The following CD163 variants were observed in gnomAD, a reference collection of about 807,000 sequenced individuals.
CD163 encodes the protein CD163 molecule, also known as scavenger receptor cysteine-rich type 1 protein M130.
CD163 carries 64 observed loss-of-function variants against 129.2 expected under a neutral mutation model. The ratio of observed to expected loss-of-function variants is 0.50; its 90% confidence interval spans 0.41 to 0.61. CD163 has a LOEUF of 0.61. CD163 is among the 20% of genes least tolerant of loss of function. The pLI, the probability that CD163 is intolerant of heterozygous loss-of-function variation, is 0.00. For missense variants in CD163, 1,061 were observed against 1,377.9 expected (o/e 0.77, Z 3.64); for synonymous variants, 446 against 478.5 (o/e 0.93, Z 0.89).
chr12:7,477,606 G>A (rs1379294646), intron 16 of CD163, among the ~76,000 whole-genome samples: 1 of 152,074 alleles, frequency 6.6e-6, no homozygotes, highest in Non-Finnish European at 1.5e-5. Flanking sequence ...CAAGGGGAAG[G>A]AGAGCATTAA....
At chr12:7,501,744 A>G (rs1592014497) in intron 2 of CD163, among the ~76,000 whole-genome samples, 1 of 152,200 alleles carries the variant, frequency 6.6e-6, no homozygotes, top group East Asian at 1.9e-4. Flanking sequence ...GGCAATTTAT[A>G]TAATTCCTGT....
At chr12:7,481,056 C>T (rs892001739) in intron 15 of CD163, 105 bp downstream of exon 15, 2 of 1,484,884 alleles carry the variant, frequency 1.3e-6, no homozygotes, top group East Asian at 2.3e-5. Context: ...CTTCCTATTA[C>T]ATTTTTAGAC....
chr12:7,479,209 A>G (rs1949127839), intron 16 of CD163, among the ~76,000 whole-genome samples: 1 of 152,116 alleles, frequency 6.6e-6, no homozygotes, highest in Non-Finnish European at 1.5e-5. Flanking sequence ...ATTACCACCT[A>G]TAGACTATGA....
At position 7,496,989 on chromosome 12, in the gene CD163, C is replaced by T. The variant is rs1949411226; in HGVS notation, c.923G>A (p.Gly308Glu). 6.2e-7 allele frequency: 1 copy of T among 1,614,018 alleles called. No homozygotes were observed. Among genetic ancestry groups the T allele is most frequent in the South Asian group, 1.1e-5 (1 of 91,076 alleles). The change falls in exon 5 of 17, where the codon GGA becomes GAA. Residue 308 changes from glycine to glutamate, a missense_variant. Physicochemically the swap from Gly to Glu is moderately conservative, Grantham distance 98. Coordinates refer to ENST00000432237, the MANE Select transcript of CD163 (RefSeq NM_203416.4). This position sits in a 1 kb window ranked among gnomAD's most constrained non-coding sequence, Gnocchi z 4.8. The part of the protein sequence containing the change: ...YDAAVACKQL[G>E]CPTAVTAIGR... ...AATGGCTGTGACGGCAGTTGGACAT[C>T]CCAGTTGCTTGCATGCCACAGCAGC...
intron 16 of CD163, among the ~76,000 whole-genome samples, chr12:7,475,852 G>A (rs1400103485): frequency 2.0e-5 from 3 of 151,972 alleles, no homozygotes; most frequent in Admixed American, 6.6e-5. Context: ...TGTCTCAGCC[G>A]AAAAACTCCT....
At position 7,487,494 on chromosome 12, in the gene CD163, C is replaced by A. The variant is rs1162001846; in HGVS notation, c.1915G>T (p.Gly639Ter). 2 of 1,613,996 alleles carry A rather than the reference C, an allele frequency of 1.2e-6. No homozygotes were observed. Among genetic ancestry groups the A allele is most frequent in the Non-Finnish European group, 1.7e-6 (2 of 1,180,040 alleles). ...CTCCAGATCTGACCATTTCCTTTTC[C>A]AAAACGTGCTCCTCCTGGGGTAGAA... ...ALSTPGGARFGKGNGQIWRHM... is the reference protein window; with the variant it reads ...ALSTPGGARF The change falls in exon 8 of 17, where the codon GGA becomes TGA. Residue 639 changes from glycine (G) to a stop codon, truncating the protein, a stop_gained. Coordinates refer to ENST00000432237, the MANE Select transcript of CD163 (RefSeq NM_203416.4). LOFTEE classifies it high-confidence loss of function. The surrounding 1 kb of genome is among the most constrained non-coding windows in gnomAD (Gnocchi z 5.1).
rs896104593 is a variant in CD163, at chr12:7,487,734, C to A, written c.1735+39G>T. On this transcript the variant is annotated intron_variant, in intron 7 of 16. Coordinates refer to ENST00000432237, the MANE Select transcript of CD163 (RefSeq NM_203416.4). The surrounding 1 kb of genome is among the most constrained non-coding windows in gnomAD (Gnocchi z 5.1). The stretch of plus-strand genomic sequence containing the variant: ...TGACTCCCTAACCCTGTCCCTTTCA[C>A]AGTATGAGAACCAATTAAAGATGTT... 5 of 1,613,910 alleles carry A rather than the reference C, an allele frequency of 3.1e-6. No individual in the cohort carries two copies. The highest frequency in any genetic ancestry group is 4.2e-6 in the Non-Finnish European group (5 of 1,180,018).
intron 16 of CD163, among the ~76,000 whole-genome samples, chr12:7,472,845 G>C (rs1175412760): frequency 6.6e-6 from 1 of 152,162 alleles, no homozygotes; most frequent in Non-Finnish European, 1.5e-5. Flanking sequence ...TACAGGAACT[G>C]CTAACTAGAA....
intron 16 of CD163, among the ~76,000 whole-genome samples, chr12:7,478,337 C>A (rs754590783): frequency 5.9e-5 from 9 of 152,078 alleles, no homozygotes; most frequent in Admixed American, 2.6e-4. Flanking sequence ...TTTGAAATGG[C>A]CTTTTTCTCT....
At position 7,488,033 on chromosome 12, in the gene CD163, T is replaced by G. The variant is rs1249884632; in HGVS notation, c.1475A>C (p.Glu492Ala). The change falls in exon 7 of 17, where the codon GAA becomes GCA. Residue 492 changes from glutamate to alanine, a missense_variant. Physicochemically the swap from Glu to Ala is moderately radical, Grantham distance 107. Transcript: ENST00000432237. The stretch of plus-strand genomic sequence containing the variant: ...GCCCCACGTGTCACCATGCTTCACT[T>G]CAACACGTCCAGAACAGGGAATGTC... The part of the protein sequence containing the change: ...GGDIPCSGRV[E>A]VKHGDTWGSI... 2 of 1,614,028 alleles carry G rather than the reference T, an allele frequency of 1.2e-6. No individual in the cohort carries two copies. The highest frequency in any genetic ancestry group is 1.7e-6 in the Non-Finnish European group (2 of 1,179,974).
chr12:7,472,410 G>T (rs1377596909), intron 16 of CD163, among the ~76,000 whole-genome samples: 2 of 152,196 alleles, frequency 1.3e-5, no homozygotes, highest in Non-Finnish European at 2.9e-5. Context: ...TGCAGCCTTC[G>T]CTGGTAATAC....
chr12:7,498,721 T>G (rs1949436628), intron 4 of CD163, 147 bp downstream of exon 4: 3 of 733,022 alleles, frequency 4.1e-6, no homozygotes, highest in Non-Finnish European at 6.6e-6. Flanking sequence ...TCCACAGGTA[T>G]CAGAACTGGA....
Position 7,482,694 on chromosome 12 carries a change from C to G in CD163, c.3196G>C (p.Val1066Leu), listed in dbSNP as rs139478533. ...ILGVVLLAIFVALFFLTKKRR... is the reference protein window; with the variant it reads ...ILGVVLLAIFLALFFLTKKRR... ...TTTTTAGTCAAGAAGAATAATGCGACGAAAATGGCCAACAGAACAACCCCA... is the reference window on the plus strand; with the variant it reads ...TTTTTAGTCAAGAAGAATAATGCGAGGAAAATGGCCAACAGAACAACCCCA... Residue 1066 changes from valine to leucine, a missense_variant, in exon 14 of 17, where the codon GTC becomes CTC. Coordinates refer to ENST00000432237, the MANE Select transcript of CD163 (RefSeq NM_203416.4). 10 of 1,614,028 alleles carry G rather than the reference C, an allele frequency of 6.2e-6. No individual in the cohort carries two copies. Among genetic ancestry groups the G allele is most frequent in the Admixed American group, 1.7e-5 (1 of 60,018 alleles).
At chr12:7,472,595 G>A (rs1002953162) in intron 16 of CD163, among the ~76,000 whole-genome samples, 52 of 152,174 alleles carry the variant, frequency 3.4e-4, no homozygotes, top group Non-Finnish European at 6.5e-4. Context: ...ATCAAAGGTA[G>A]ATAAATCGAT....
chr12:7,483,674 G>C lies in CD163; in HGVS notation c.2781C>G (p.Asn927Lys). 6.3e-7 allele frequency: 1 copy of C among 1,599,340 alleles called. No individual in the cohort carries two copies. Among genetic ancestry groups the C allele is most frequent in the Non-Finnish European group, 8.5e-7 (1 of 1,171,542 alleles). Residue 927 changes from asparagine to lysine, a missense_variant and splice_region_variant, in exon 12 of 17, where the codon AAC (asparagine) becomes AAG (lysine). By Grantham distance (94) the Asn-to-Lys change is moderately conservative. Transcript: ENST00000432237. ...TGGGTCCTTCCTGAAGTCTTATCTT[G>C]TCTGAAAAATCAGAGACATGTAGCC... ...PSEETWITCD[N>K]KIRLQEGPTS...
At position 7,487,639 on chromosome 12, in the gene CD163, G is replaced by C. The variant is rs1592001553; in HGVS notation, c.1770C>G (p.Thr590=). Residue 590 remains threonine, a synonymous_variant, in exon 8 of 17, where the codon ACC becomes ACG. Transcript: ENST00000432237. The surrounding 1 kb of genome is among the most constrained non-coding windows in gnomAD (Gnocchi z 5.1). The part of the protein sequence containing the change: ...YTEIRLVNGK[T]PCEGRVELKT... ...TGAGCTCCACTCTGCCCTCACACGG[G>C]GTCTTGCCATTCACCAAGCGAATTT... The C allele has an allele frequency of 6.2e-7, 1 of 1,614,086 alleles. No individual in the cohort carries two copies. Among genetic ancestry groups the C allele is most frequent in the Non-Finnish European group, 8.5e-7 (1 of 1,180,014 alleles).
intron 4 of CD163, 55 bp from the exon 5 acceptor site, chr12:7,497,188 T>C: frequency 2.8e-6 from 4 of 1,413,706 alleles, no homozygotes; most frequent in Non-Finnish European, 3.0e-6. Context: ...CATGAGACTA[T>C]AAATAGCTAT....
intron 1 of CD163, 62 bp downstream of exon 1, chr12:7,503,583 A>G (rs764903648): frequency 9.2e-7 from 1 of 1,086,226 alleles, no homozygotes; most frequent in East Asian, 2.4e-5. Flanking sequence ...ACATCCATTG[A>G]CTGTCATAAT....
chr12:7,501,106 TTG>T, intron 3 of CD163, 31 bp downstream of exon 3: 1 of 1,591,122 alleles, frequency 6.3e-7, no homozygotes, highest in Non-Finnish European at 8.6e-7. Flanking sequence ...ACCAAGGATT[TTG>T]TGTTGAGGCT....
Sources: gnomAD v4.1 joint callset for allele counts (sites outside exome capture counted in the v4.1 genomes callset) on GRCh38, gnomAD v4.1.1 for gene constraint, Gnocchi (gnomAD v3.1) non-coding constraint, MANE v1.5 for transcripts, NCBI Gene and HGNC (gene_info 2026-07-23, HGNC 2026-07-21) for gene names.